The following KLHL24 variants were observed in gnomAD, a reference collection of about 807,000 sequenced individuals.
KLHL24 encodes the protein kelch-like protein 24.
A neutral mutation model predicts 53.4 loss-of-function variants in KLHL24; 29 were observed. The ratio of observed to expected loss-of-function variants is 0.54; its 90% CI spans 0.40 to 0.74. The LOEUF (loss-of-function observed/expected upper bound fraction) is 0.74. Ranked by LOEUF, KLHL24 falls within the 30% of genes least tolerant of loss-of-function variation. The pLI, the probability that KLHL24 is intolerant of heterozygous loss-of-function variation, is 0.00. For missense variants in KLHL24, 504 were observed against 744.0 expected (o/e 0.68, Z 3.75); for synonymous variants, 222 against 253.7 (o/e 0.88, Z 1.19).
intron 5 of KLHL24, among the ~76,000 whole-genome samples, chr3:183,669,573 T>C (rs2108868273): frequency 6.6e-6 from 1 of 152,260 alleles, no homozygotes; most frequent in East Asian, 1.9e-4. Flanking sequence ...AACAGATTAT[T>C]TTAACATAAT....
intron 2 of KLHL24, among the ~76,000 whole-genome samples, chr3:183,644,871 C>A (rs777450607): frequency 3.3e-5 from 5 of 152,134 alleles, no homozygotes; most frequent in Non-Finnish European, 7.4e-5. Context: ...TTAGTTCTTA[C>A]AATGTGCTAT....
intron 5 of KLHL24, 96 bp downstream of exon 5, chr3:183,665,135 G>T (rs1720348820): frequency 1.5e-6 from 1 of 673,606 alleles, no homozygotes; most frequent in Non-Finnish European, 2.7e-6. Context: ...GGGTATTTTG[G>T]ATTCAAATTG....
rs770196329 is a variant in KLHL24, at chr3:183,650,528, G to T, written c.172G>T (p.Glu58Ter). 1 of 1,614,114 alleles carries T rather than the reference G, an allele frequency of 6.2e-7. No individual in the cohort carries two copies. The highest frequency in any genetic ancestry group is 8.5e-7 in the Non-Finnish European group (1 of 1,180,006). ...CGAAAACATACTCCAGATATTTAAT[G>T]AATTTCGTGATAGCCGCTTATTCAC... ...HAENILQIFN[E>*]FRDSRLFTDV... Residue 58 changes from glutamate (E) to a stop codon, truncating the protein, a stop_gained, in exon 3 of 8, where the codon GAA becomes TAA. Transcript: ENST00000242810. LOFTEE classifies it high-confidence loss of function. This position sits in a 1 kb window ranked among gnomAD's most constrained non-coding sequence, Gnocchi z 4.5.
intron 7 of KLHL24, among the ~76,000 whole-genome samples, chr3:183,673,970 G>T (rs1721719335): frequency 6.6e-6 from 1 of 152,022 alleles, no homozygotes; most frequent in Non-Finnish European, 1.5e-5. Context: ...TTTTACATGG[G>T]TATTTCAAGA....
In KLHL24 at chr3:183,650,606, C is replaced by G; in HGVS notation, c.250C>G (p.Leu84Val). ...GKEFPCHRAV[L>V]SACSSYFRAM... ...AGAATTTCCTTGCCATAGAGCTGTG[C>G]TCTCAGCCTGTAGCAGCTACTTCAG... The change falls in exon 3 of 8, where the codon CTC becomes GTC. Residue 84 changes from leucine (L) to valine (V), a missense_variant. By Grantham distance (32) the Leu-to-Val change is conservative. Transcript: ENST00000242810. This position sits in a 1 kb window ranked among gnomAD's most constrained non-coding sequence, Gnocchi z 4.5. 1 of 1,614,152 alleles carries G rather than the reference C, an allele frequency of 6.2e-7. No individual in the cohort carries two copies. Among genetic ancestry groups the G allele is most frequent in the East Asian group, 2.2e-5 (1 of 44,888 alleles).
chr3:183,683,563 G>C lies in KLHL24; in HGVS notation c.*4277G>C, dbSNP rs1028677602. 1 of 152,610 alleles carries C rather than the reference G, an allele frequency of 6.6e-6. No homozygotes were observed. The highest frequency in any genetic ancestry group is 1.5e-5 in the Non-Finnish European group (1 of 68,028). 9.5% of individuals were successfully genotyped at this position (152,610 alleles called of 1,614,324 possible). A position where few individuals can be genotyped will look rare whatever the true frequency, so the allele number is the denominator to read the frequency against. Reference sequence around the variant, plus strand: ...AGGCACCAGAAACCATTTGAGCCAGGAGTGTGAATGAATAATTCCAGAGAC... The same window carrying C: ...AGGCACCAGAAACCATTTGAGCCAGCAGTGTGAATGAATAATTCCAGAGAC... On this transcript the variant is annotated 3_prime_UTR_variant, in exon 8 of 8. Transcript: ENST00000242810.
Position 183,676,910 on chromosome 3 carries a change from GT to G in KLHL24, c.1603-2162del, listed in dbSNP as rs57502556. 5.6e-3 allele frequency among the ~76,000 whole-genome samples: 782 copies of G among 139,480 alleles called. 4 individuals are homozygous for G. The highest frequency in any genetic ancestry group is 0.015 in the African/African-American group (599 of 39,082). 91.5% of individuals were successfully genotyped at this position (139,480 alleles called of 152,430 possible). A position where few individuals can be genotyped will look rare whatever the true frequency, so the allele number is the denominator to read the frequency against. Reference sequence around the variant, plus strand: ...ACAAAAATAACGAGAGGGTTTTTTGGTTTTTTTTTTTTTTCTTTGCAATGTT... The same window carrying G: ...ACAAAAATAACGAGAGGGTTTTTTGGTTTTTTTTTTTTTCTTTGCAATGTT... On this transcript the variant is annotated intron_variant, in intron 7 of 7. Transcript: ENST00000242810.
chr3:183,651,016 A>C lies in KLHL24; in HGVS notation c.660A>C (p.Glu220Asp). 1.2e-6 allele frequency: 2 copies of C among 1,614,212 alleles called. No individual in the cohort carries two copies. Among genetic ancestry groups the C allele is most frequent in the South Asian group, 1.1e-5 (1 of 91,082 alleles). ...DELIDYICSD[E>D]LVIGKEEMVF... Reference sequence around the variant, plus strand: ...TTATTGATTATATTTGTAGTGATGAACTTGTTATTGGTAAAGAGGAGATGG... The same window carrying C: ...TTATTGATTATATTTGTAGTGATGACCTTGTTATTGGTAAAGAGGAGATGG... Residue 220 changes from glutamate (E) to aspartate (D), a missense_variant, in exon 3 of 8, where the codon GAA (glutamate) becomes GAC (aspartate). Glu to Asp is a conservative substitution (Grantham distance 45). Transcript: ENST00000242810.
In KLHL24 at chr3:183,663,192, G is replaced by A. The variant is rs1720047028; in HGVS notation, c.921-266G>A. Among the ~76,000 whole-genome samples the A allele has an allele frequency of 6.6e-6, 1 of 151,892 alleles. No homozygotes were observed. The highest frequency in any genetic ancestry group is 1.5e-5 in the Non-Finnish European group (1 of 67,980). On this transcript the variant is annotated intron_variant, in intron 3 of 7. Transcript: ENST00000242810. The surrounding 1 kb of genome is among the most constrained non-coding windows in gnomAD (Gnocchi z 4.9). ...TCTGATTGGGTTAGATAGGATCTTT[G>A]GACTTTTTTACAATTTTCAGGTCAA...
chr3:183,659,455 T>G (rs1461758693), intron 3 of KLHL24, among the ~76,000 whole-genome samples: 1 of 152,168 alleles, frequency 6.6e-6, no homozygotes, highest in East Asian at 1.9e-4. Context: ...GAGAATGGCT[T>G]GAACCCGGGA....
At chr3:183,645,384 C>A (rs2108777023) in intron 2 of KLHL24, among the ~76,000 whole-genome samples, 1 of 152,342 alleles carries the variant, frequency 6.6e-6, no homozygotes, top group South Asian at 2.1e-4. Context: ...AGATACGCTA[C>A]TGCTCATGTG....
intron 1 of KLHL24, among the ~76,000 whole-genome samples, chr3:183,640,821 C>T (rs1163037026): frequency 2.0e-5 from 3 of 151,890 alleles, no homozygotes; most frequent in African/African-American, 4.8e-5. Context: ...AGGCTGGTCT[C>T]GAACCCTTGA....
At position 183,682,192 on chromosome 3, in the gene KLHL24, C is replaced by T. The variant is rs1027253911; in HGVS notation, c.*2906C>T. ...AGTTTGCTAAACCCAGCTGTGATAC[C>T]TCAGTTGGAAAGGGAATTCAAAGGT... is the stretch of plus-strand genomic sequence containing the variant. On this transcript the variant is annotated 3_prime_UTR_variant, in exon 8 of 8. Transcript: ENST00000242810. The T allele has an allele frequency of 3.3e-5, 5 of 152,168 alleles. No individual in the cohort carries two copies. The highest frequency in any genetic ancestry group is 1.3e-4 in the Admixed American group (2 of 15,286). The allele number at this position is 152,168 out of a possible 1,614,324, so 9.4% of individuals were successfully genotyped here. A position where few individuals can be genotyped will look rare whatever the true frequency, so the allele number is the denominator to read the frequency against.
intron 1 of KLHL24, among the ~76,000 whole-genome samples, chr3:183,638,974 G>A (rs1715841274): frequency 6.6e-6 from 1 of 152,160 alleles, no homozygotes; most frequent in Non-Finnish European, 1.5e-5. Context: ...GCTGAGGCGG[G>A]TGGATCACCT....
chr3:183,673,663 T>C (rs746751014), intron 7 of KLHL24, among the ~76,000 whole-genome samples: 2 of 152,182 alleles, frequency 1.3e-5, no homozygotes, highest in Non-Finnish European at 2.9e-5. Context: ...ACCCCCAAAA[T>C]GCTTGATGGT....
At chr3:183,672,566 A>G (rs1244173088) in intron 7 of KLHL24, 82 bp downstream of exon 7, 2 of 1,030,566 alleles carry the variant, frequency 1.9e-6, no homozygotes, top group Non-Finnish European at 2.7e-6. Flanking sequence ...CTGGAATTTC[A>G]ATTTTAAAAT....
Position 183,650,195 on chromosome 3 carries a change from T to G in KLHL24, c.-61-101T>G. On this transcript the variant is annotated intron_variant, in intron 2 of 7. Transcript: ENST00000242810. This position sits in a 1 kb window ranked among gnomAD's most constrained non-coding sequence, Gnocchi z 4.5. ...AGTGCTGTGTACCCTATATGAAATA[T>G]ATTATGTGATTTTGTTGTAGTGTTT... The G allele has an allele frequency of 1.7e-6, 1 of 603,826 alleles. No homozygotes were observed. The highest frequency in any genetic ancestry group is 2.2e-5 in the South Asian group (1 of 45,658). The allele number at this position is 603,826 out of a possible 1,614,324, so 37.4% of individuals were successfully genotyped here.
At position 183,680,593 on chromosome 3, in the gene KLHL24, TTTTCAAGC is replaced by T. The variant is rs747490198; in HGVS notation, c.*1310_*1317del. The T allele has an allele frequency of 4.6e-5, 7 of 152,222 alleles. No individual in the cohort carries two copies. The highest frequency in any genetic ancestry group is 8.8e-5 in the Non-Finnish European group (6 of 68,036). 9.4% of individuals were successfully genotyped at this position (152,222 alleles called of 1,614,324 possible). A position where few individuals can be genotyped will look rare whatever the true frequency, so the allele number is the denominator to read the frequency against. ...CCATTGTGTAAAATACTAATCAACA[TTTTCAAGC>T]TTCTGTACAACAGACTGCTTTTGTC... On this transcript the variant is annotated 3_prime_UTR_variant, in exon 8 of 8. Coordinates refer to ENST00000242810, the MANE Select transcript of KLHL24 (RefSeq NM_017644.3).
intron 5 of KLHL24, among the ~76,000 whole-genome samples, chr3:183,665,914 TACTC>T (rs1720492312): frequency 6.6e-6 from 1 of 151,024 alleles, no homozygotes; most frequent in African/African-American, 2.5e-5. Flanking sequence ...CAAGGTCTCT[TACTC>T]TATTGCCCAA....
Sources: allele counts gnomAD v4.1 joint callset (sites outside exome capture counted in the v4.1 genomes callset), GRCh38; gene constraint gnomAD v4.1.1; non-coding constraint Gnocchi (gnomAD v3.1); transcripts MANE v1.5; gene names NCBI Gene and HGNC (gene_info 2026-07-23, HGNC 2026-07-21).